The following COX10 variants were observed in gnomAD, a reference collection of about 807,000 sequenced individuals.
The protein encoded by COX10 is cytochrome c oxidase assembly factor heme A:farnesyltransferase COX10, also known as protoheme IX farnesyltransferase, mitochondrial.
A neutral mutation model predicts 37.3 loss-of-function variants in COX10; 27 were observed. That is an observed-to-expected ratio of 0.72 (90% CI 0.53 to 1.00). The LOEUF (loss-of-function observed/expected upper bound fraction) is 1.00, where lower values mean the gene tolerates loss of function less well. Ranked by LOEUF, COX10 falls within the 50% of genes least tolerant of loss-of-function variation. The pLI, the probability that COX10 is intolerant of heterozygous loss-of-function variation, is 0.00. For missense variants in COX10, 475 were observed against 563.2 expected (o/e 0.84, Z 1.59); for synonymous variants, 222 against 229.1 (o/e 0.97, Z 0.28).
intron 4 of COX10, among the ~76,000 whole-genome samples, chr17:14,143,693 A>G (rs1488542878): frequency 2.0e-5 from 3 of 152,196 alleles, no homozygotes; most frequent in African/African-American, 7.2e-5. Flanking sequence ...TCAGGGTGTT[A>G]TTGAACATTT....
chr17:14,070,624 AG>A (rs1186946734), intron 1 of COX10, among the ~76,000 whole-genome samples: 1 of 152,222 alleles, frequency 6.6e-6, no homozygotes, highest in Middle Eastern at 3.2e-3. Context: ...AGGCCAGATA[AG>A]AGAAGCCAGG....
chr17:14,189,771 G>A (rs1378403426), intron 5 of COX10, among the ~76,000 whole-genome samples: 6 of 152,198 alleles, frequency 3.9e-5, no homozygotes, highest in African/African-American at 1.2e-4. Flanking sequence ...TCAGCAGTTG[G>A]TGAGGGATAC....
At chr17:14,159,407 T>C (rs12603058) in intron 4 of COX10, among the ~76,000 whole-genome samples, 88,287 of 152,044 alleles carry the variant, frequency 0.58, 26,065 homozygotes, top group East Asian at 0.63. Context: ...TTGAATGACA[T>C]GGGTTTGAAC....
chr17:14,206,990 C>T lies in COX10; in HGVS notation c.1109C>T (p.Ala370Val), dbSNP rs145424720. The change falls in exon 7 of 7, where the codon GCA becomes GTA. Residue 370 changes from alanine to valine, a missense_variant. Coordinates refer to ENST00000261643, the MANE Select transcript of COX10 (RefSeq NM_001303.4). ...CTGGCCCTGCTCGTGCTGTCCGCAGCAGCCCCTGTGCTGGACATCACCACA... is the reference window on the plus strand; with the variant it reads ...CTGGCCCTGCTCGTGCTGTCCGCAGTAGCCCCTGTGCTGGACATCACCACA... Reference protein sequence around the residue: ...HCLALLVLSAAAPVLDITTWT... With the variant: ...HCLALLVLSAVAPVLDITTWT... 38 of 1,614,082 alleles carry T rather than the reference C, an allele frequency of 2.4e-5. No individual in the cohort carries two copies. The African/African-American group carries it at 4.7e-4, about 20-fold the overall frequency.
intron 6 of COX10, among the ~76,000 whole-genome samples, chr17:14,202,128 C>A (rs1316224972): frequency 6.6e-6 from 1 of 150,714 alleles, no homozygotes; most frequent in African/African-American, 2.4e-5. Context: ...AATGCTTCTG[C>A]AATTTTTTCT....
At chr17:14,115,713 A>G (rs1012509488) in intron 4 of COX10, among the ~76,000 whole-genome samples, 1 of 152,220 alleles carries the variant, frequency 6.6e-6, no homozygotes, top group African/African-American at 2.4e-5. Context: ...GAATGAAATA[A>G]TGTCTTGTGC....
intron 4 of COX10, among the ~76,000 whole-genome samples, chr17:14,105,469 T>C (rs191351062): frequency 1.3e-5 from 2 of 152,322 alleles, no homozygotes; most frequent in Admixed American, 1.3e-4. Flanking sequence ...TAATTAATTT[T>C]CTACATTTAT....
rs765386828 is a variant in COX10 at position 14,069,588 on chromosome 17, G to A, written c.-18G>A. On this transcript the variant is annotated 5_prime_UTR_variant, in exon 1 of 7. Coordinates refer to ENST00000261643, the MANE Select transcript of COX10 (RefSeq NM_001303.4). ...GAGGACACAGGGATCCCGGGGAGCG[G>A]CCCCAGACTCGTAAATTATGGCCGC... 1 of 1,613,866 alleles carries A rather than the reference G, an allele frequency of 6.2e-7. No individual in the cohort carries two copies. The highest frequency in any genetic ancestry group is 8.5e-7 in the Non-Finnish European group (1 of 1,179,950).
chr17:14,082,718 G>T (rs1915323538), intron 3 of COX10, among the ~76,000 whole-genome samples: 1 of 152,154 alleles, frequency 6.6e-6, no homozygotes, highest in African/African-American at 2.4e-5. Context: ...ATACTGTGAT[G>T]TATAGTGTAC....
chr17:14,182,357 T>C (rs1197657953), intron 5 of COX10: 8 of 916,660 alleles, frequency 8.7e-6, no homozygotes, highest in Non-Finnish European at 1.0e-5. Context: ...AATGTAATTA[T>C]GCCAAATATA....
intron 4 of COX10, among the ~76,000 whole-genome samples, chr17:14,154,030 A>G (rs928011488): frequency 6.6e-6 from 1 of 152,146 alleles, no homozygotes; most frequent in African/African-American, 2.4e-5. Context: ...TCAGACAAAA[A>G]GAGTCCATTT....
At chr17:14,091,758 C>T (rs992766199) in intron 3 of COX10, among the ~76,000 whole-genome samples, 1 of 152,122 alleles carries the variant, frequency 6.6e-6, no homozygotes, top group African/African-American at 2.4e-5. Flanking sequence ...CCATCAAAGT[C>T]GGAACGATAC....
intron 5 of COX10, among the ~76,000 whole-genome samples, chr17:14,167,516 G>A (rs749162143): frequency 6.6e-6 from 1 of 152,192 alleles, no homozygotes; most frequent in Non-Finnish European, 1.5e-5. Context: ...CAGTTGGGCA[G>A]TGTATTAGTT....
At chr17:14,129,046 A>T (rs754996662) in intron 4 of COX10, among the ~76,000 whole-genome samples, 1 of 151,966 alleles carries the variant, frequency 6.6e-6, no homozygotes, top group Admixed American at 6.6e-5. Flanking sequence ...GGGTTTCACC[A>T]TATTGGCCAG....
chr17:14,162,392 C>T (rs779709975), intron 5 of COX10, among the ~76,000 whole-genome samples: 1 of 152,160 alleles, frequency 6.6e-6, no homozygotes, highest in Non-Finnish European at 1.5e-5. Context: ...TGCCCTTCAT[C>T]AGAGAATAAA....
chr17:14,206,737 G>A (rs1044947364), intron 6 of COX10, 73 bp from the exon 7 acceptor site: 4 of 1,592,046 alleles, frequency 2.5e-6, no homozygotes, highest in Non-Finnish European at 3.4e-6. Context: ...TCTCCCAGGA[G>A]AGGAAACCAT....
chr17:14,104,671 C>T (rs559356808), intron 4 of COX10, among the ~76,000 whole-genome samples: 8 of 152,040 alleles, frequency 5.3e-5, no homozygotes, highest in East Asian at 1.9e-4. Context: ...TTTCTTTTAG[C>T]AGTTATTCAT....
chr17:14,148,506 A>G (rs1904796181), intron 4 of COX10, among the ~76,000 whole-genome samples: 3 of 152,154 alleles, frequency 2.0e-5, no homozygotes. Context: ...TGTGAGCCAT[A>G]TTGGAATGAC....
At position 14,207,309 on chromosome 17, in the gene COX10, A is replaced by T; in HGVS notation, c.*96A>T. The stretch of plus-strand genomic sequence containing the variant: ...AAGAAGAGAAATTGCTGGGTTTAGA[A>T]CAAGATTATAAACGAATTCGGTGCT... On this transcript the variant is annotated 3_prime_UTR_variant, in exon 7 of 7. Coordinates refer to ENST00000261643, the MANE Select transcript of COX10 (RefSeq NM_001303.4). 7.0e-7 allele frequency: 1 copy of T among 1,419,798 alleles called. No individual in the cohort carries two copies. The highest frequency in any genetic ancestry group is 1.5e-5 in the South Asian group (1 of 66,578). The allele number at this position is 1,419,798 out of a possible 1,614,324, so 88.0% of individuals were successfully genotyped here.
Sources: allele counts gnomAD v4.1 joint callset (sites outside exome capture counted in the v4.1 genomes callset), GRCh38; gene constraint gnomAD v4.1.1; transcripts MANE v1.5; gene names NCBI Gene and HGNC (gene_info 2026-07-23, HGNC 2026-07-21).